NOVA2: variants seen among roughly 807,000 people sequenced by gnomAD.
NOVA2 encodes RNA-binding protein Nova-2.
NOVA2 carries 9 observed loss-of-function variants against 22.5 expected under a neutral mutation model. The observed-to-expected ratio is 0.40, with a 90% CI of 0.24 to 0.70. NOVA2 has a LOEUF of 0.70. NOVA2 is among the 30% of genes least tolerant of loss of function. NOVA2 has a pLI of 0.38. For missense variants in NOVA2, 383 were observed against 682.8 expected (o/e 0.56, Z 4.89); for synonymous variants, 318 against 335.2 (o/e 0.95, Z 0.56).
chr19:45,968,021 G>A (rs1395178696), intron 1 of NOVA2: 1 of 152,072 alleles, frequency 6.6e-6, no homozygotes, highest in African/African-American at 2.4e-5. Flanking sequence ...GAGATTTGGG[G>A]TGTTGTAGTA....
chr19:45,953,756 A>C, intron 3 of NOVA2, 24 bp downstream of exon 3: 1 of 1,613,934 alleles, frequency 6.2e-7, no homozygotes, highest in East Asian at 2.2e-5. Flanking sequence ...GCTTTACAGC[A>C]ACCCAGTCTC....
intron 1 of NOVA2, chr19:45,967,404 G>T (rs770923443): frequency 1.3e-5 from 2 of 152,054 alleles, no homozygotes; most frequent in Non-Finnish European, 2.9e-5. Flanking sequence ...TTGTGAGAAA[G>T]TTCTCCCTTG....
At position 45,953,815 on chromosome 19, in the gene NOVA2, G is replaced by C; in HGVS notation, c.361C>G (p.Pro121Ala). 6.2e-7 allele frequency: 1 copy of C among 1,614,176 alleles called. No homozygotes were observed. The highest frequency in any genetic ancestry group is 8.5e-7 in the Non-Finnish European group (1 of 1,180,034). ...TKPEVVNILQPQTTMNPDRAK... is the reference protein window; with the variant it reads ...TKPEVVNILQAQTTMNPDRAK... ...CTGTCGGGGTTCATCGTGGTTTGGG[G>C]TTGAAGGATGTTGACCACCTCAGGC... The change falls in exon 3 of 4, where the codon CCC becomes GCC. Residue 121 changes from proline (P) to alanine (A), a missense_variant. Coordinates refer to ENST00000263257, the MANE Select transcript of NOVA2 (RefSeq NM_002516.4).
chr19:45,953,518 G>T (rs143061914), intron 3 of NOVA2, among the ~76,000 whole-genome samples: 2 of 152,106 alleles, frequency 1.3e-5, no homozygotes, highest in African/African-American at 4.8e-5. Flanking sequence ...AGAAAGGATC[G>T]AACAATAGGG....
intron 2 of NOVA2, among the ~76,000 whole-genome samples, chr19:45,954,906 C>T (rs934324674): frequency 6.7e-6 from 1 of 149,048 alleles, no homozygotes; most frequent in Non-Finnish European, 1.5e-5. Context: ...TTGAGCAGGA[C>T]TAGCTAGATG....
chr19:45,955,046 T>C (rs1253797446), intron 2 of NOVA2, among the ~76,000 whole-genome samples: 1 of 152,100 alleles, frequency 6.6e-6, no homozygotes, highest in Non-Finnish European at 1.5e-5. Context: ...GTCGCTTTGA[T>C]GATGAAGGTT....
chr19:45,949,515 AG>A (rs1967891980), intron 3 of NOVA2, among the ~76,000 whole-genome samples: 1 of 152,132 alleles, frequency 6.6e-6, no homozygotes, highest in Non-Finnish European at 1.5e-5. Flanking sequence ...AAATAAAGTT[AG>A]GTTTTAAGAA....
At chr19:45,953,169 G>T (rs1346386631) in intron 3 of NOVA2, among the ~76,000 whole-genome samples, 1 of 152,214 alleles carries the variant, frequency 6.6e-6, no homozygotes, top group African/African-American at 2.4e-5. Flanking sequence ...CAACCGGACA[G>T]GCCCGGGAAG....
In NOVA2 at chr19:45,961,041, G is replaced by C. The variant is rs2146422654; in HGVS notation, c.198C>G (p.Ile66Met). ...AGAAGTCTTTGGACTTGGAGAGCTT[G>C]ATGGTGGCTCCGGTCTCCTTCTGCA... ...VQLQKETGAT[I>M]KLSKSKDFYP... The change falls in exon 2 of 4, where the codon ATC (isoleucine) becomes ATG (methionine). Residue 66 changes from isoleucine (I) to methionine (M), a missense_variant. By Grantham distance (10) the Ile-to-Met change is conservative (BLOSUM62 1). Around this residue, in one of 2 missense-constraint regions of NOVA2, gnomAD observed 349 missense variants for 578.1 expected, o/e 0.60. Transcript: ENST00000263257. 1.3e-6 allele frequency: 2 copies of C among 1,577,992 alleles called. No homozygotes were observed.
At chr19:45,954,759 C>T (rs893340942) in intron 2 of NOVA2, among the ~76,000 whole-genome samples, 14 of 133,088 alleles carry the variant, frequency 1.1e-4, no homozygotes, top group South Asian at 2.5e-4. Context: ...AGTGGGGGCA[C>T]GGGGGAGAGA....
chr19:45,971,671 G>A (rs954186035), intron 1 of NOVA2, among the ~76,000 whole-genome samples: 4 of 152,098 alleles, frequency 2.6e-5, no homozygotes, highest in African/African-American at 7.2e-5. Flanking sequence ...GCCAGGCCTG[G>A]CGGAGAGGAA....
chr19:45,944,633 A>G (rs1421209889), intron 3 of NOVA2, among the ~76,000 whole-genome samples: 1 of 152,240 alleles, frequency 6.6e-6, no homozygotes, highest in Non-Finnish European at 1.5e-5. Flanking sequence ...GTACTGATAC[A>G]TGCTATAGCG....
In NOVA2 at chr19:45,936,859, C is replaced by G. The variant is rs1243249677; in HGVS notation, c.*3004G>C. ...AGGGTGCAAGGAGGCCACTCAGAGA[C>G]TCTGAGATCGGATTGGCTAATAGGG... On this transcript the variant is annotated 3_prime_UTR_variant, in exon 4 of 4. Transcript: ENST00000263257. 1 of 151,944 alleles carries G rather than the reference C, an allele frequency of 6.6e-6. No homozygotes were observed. The highest frequency in any genetic ancestry group is 2.1e-4 in the South Asian group (1 of 4,830). 9.4% of individuals were successfully genotyped at this position (151,944 alleles called of 1,614,324 possible).
chr19:45,955,754 A>T (rs1259887277), intron 2 of NOVA2, among the ~76,000 whole-genome samples: 1 of 151,898 alleles, frequency 6.6e-6, no homozygotes, highest in Admixed American at 6.6e-5. Flanking sequence ...GCTACACGGG[A>T]GGCTGAGACA....
At chr19:45,973,182 C>T in intron 1 of NOVA2, 85 bp downstream of exon 1, 1 of 647,136 alleles carries the variant, frequency 1.5e-6, no homozygotes, top group Non-Finnish European at 2.4e-6. Flanking sequence ...AGAGCCCTTG[C>T]ACCTGCCACG....
At chr19:45,956,140 C>T (rs192124883) in intron 2 of NOVA2, among the ~76,000 whole-genome samples, 8 of 152,184 alleles carry the variant, frequency 5.3e-5, no homozygotes, top group Non-Finnish European at 7.3e-5. Context: ...TACTACCCCC[C>T]CTTCCCCACC....
intron 3 of NOVA2, among the ~76,000 whole-genome samples, chr19:45,943,618 T>C (rs1967794203): frequency 1.3e-5 from 2 of 150,962 alleles, no homozygotes; most frequent in Non-Finnish European, 2.9e-5. Context: ...CTCAGGAGGC[T>C]AAGGTGGGAG....
intron 3 of NOVA2, among the ~76,000 whole-genome samples, chr19:45,944,634 T>G (rs549566283): frequency 4.6e-5 from 7 of 152,336 alleles, no homozygotes; most frequent in Admixed American, 1.3e-4. Flanking sequence ...TACTGATACA[T>G]GCTATAGCGT....
At chr19:45,972,146 G>A (rs748601793) in intron 1 of NOVA2, among the ~76,000 whole-genome samples, 8 of 151,766 alleles carry the variant, frequency 5.3e-5, no homozygotes, top group Non-Finnish European at 1.2e-4. Flanking sequence ...ATGCACACGT[G>A]CCCTGTCACA....
Sources: allele counts gnomAD v4.1 joint callset (sites outside exome capture counted in the v4.1 genomes callset), GRCh38; gene constraint gnomAD v4.1.1; regional missense constraint gnomAD v4.1.1; transcripts MANE v1.5; gene names NCBI Gene and HGNC (gene_info 2026-07-23, HGNC 2026-07-21).